Variants in AQR observed in about 807,000 individuals in gnomAD.
AQR encodes aquarius intron-binding spliceosomal factor, also known as RNA helicase aquarius.
In AQR, 61 loss-of-function variants were observed where a neutral mutation model predicts 180.5. The observed-to-expected ratio is 0.34, with a 90% CI of 0.28 to 0.42. The LOEUF is 0.42. Among genes scored for constraint, AQR ranks in the 10% least tolerant of loss-of-function variants. The pLI, the probability that AQR is intolerant of heterozygous loss-of-function variation, is 1.00. For synonymous variants in AQR, 551 were observed against 588.8 expected, an observed-to-expected ratio of 0.94 and a Z score of 0.93; for missense variants, 1,281 against 1,798.3, an observed-to-expected ratio of 0.71 and a Z score of 5.20.
chr15:34,905,974 C>G (rs1428958433), intron 18 of AQR, among the ~76,000 whole-genome samples: 1 of 152,028 alleles, frequency 6.6e-6, no homozygotes, highest in Non-Finnish European at 1.5e-5. Flanking sequence ...GCAGAGGTTG[C>G]AGTGGGCCAA....
chr15:34,900,225 G>A (rs1260492986), intron 20 of AQR, among the ~76,000 whole-genome samples: 1 of 152,082 alleles, frequency 6.6e-6, no homozygotes. Flanking sequence ...GTGAAAGCAC[G>A]CAAAGTTAAA....
Position 34,887,829 on chromosome 15 carries a change from G to A in AQR, c.2682-1168C>T, listed in dbSNP as rs1893085412. ...AAAAGAGATCTAAAACATGATCTATGCTTGAAGAATTTTTCAACTTGGAAG... is the reference window on the plus strand; with the variant it reads ...AAAAGAGATCTAAAACATGATCTATACTTGAAGAATTTTTCAACTTGGAAG... On this transcript the variant is annotated intron_variant, in intron 24 of 34. Transcript: ENST00000156471. Among the ~76,000 whole-genome samples, 3 of 152,316 alleles carry A rather than the reference G, an allele frequency of 2.0e-5. No homozygotes were observed. The East Asian group carries it at 5.8e-4, about 29-fold the overall frequency.
At chr15:34,900,890 T>G (rs1458894062) in intron 19 of AQR, 27 bp from the exon 20 acceptor site, 1 of 1,557,884 alleles carries the variant, frequency 6.4e-7, no homozygotes, top group South Asian at 1.2e-5. Context: ...AGAAAAAGAT[T>G]GTGTCAGTAT....
chr15:34,946,954 C>A (rs575367966), intron 5 of AQR, among the ~76,000 whole-genome samples: 1 of 151,928 alleles, frequency 6.6e-6, no homozygotes, highest in Non-Finnish European at 1.5e-5. Flanking sequence ...TGCCCGGCCG[C>A]GCCTACTGGG....
At chr15:34,874,544 T>G in intron 29 of AQR, 133 bp downstream of exon 29, 1 of 1,054,286 alleles carries the variant, frequency 9.5e-7, no homozygotes, top group Non-Finnish European at 1.4e-6. Context: ...CAAAAGTGCT[T>G]TTGGATTTAT....
At chr15:34,914,405 T>C (rs1893548413) in intron 16 of AQR, among the ~76,000 whole-genome samples, 1 of 152,098 alleles carries the variant, frequency 6.6e-6, no homozygotes, top group South Asian at 2.1e-4. Flanking sequence ...AGCTAGCAGG[T>C]GGGGAGTGGA....
At chr15:34,954,945 G>A (rs542693826) in intron 3 of AQR, among the ~76,000 whole-genome samples, 1 of 152,112 alleles carries the variant, frequency 6.6e-6, no homozygotes, top group African/African-American at 2.4e-5. Context: ...CAACACGGTG[G>A]AATCCCGTCT....
intron 21 of AQR, 34 bp from the exon 22 acceptor site, chr15:34,897,000 A>G (rs1403499240): frequency 2.6e-6 from 4 of 1,515,456 alleles, no homozygotes; most frequent in Non-Finnish European, 3.7e-6. Context: ...GTTGGTACAG[A>G]TAAATGATGC....
chr15:34,964,461 C>T, intron 1 of AQR, 171 bp from the exon 2 acceptor site: 1 of 698,840 alleles, frequency 1.4e-6, no homozygotes, highest in Non-Finnish European at 2.7e-6. Context: ...ATCCTTGACC[C>T]CAAACCACTA....
chr15:34,940,596 T>C (rs534315236), intron 8 of AQR, among the ~76,000 whole-genome samples: 16 of 152,102 alleles, frequency 1.1e-4, no homozygotes, highest in Admixed American at 5.2e-4. Flanking sequence ...AGCCTGAAGA[T>C]AGTGGAGAAA....
rs752309274 is a variant in AQR at position 34,882,653 on chromosome 15, G to A, written c.3028-14C>T. 2 of 1,589,228 alleles carry A rather than the reference G, an allele frequency of 1.3e-6. No individual in the cohort carries two copies. The highest frequency in any genetic ancestry group is 1.2e-5 in the South Asian group (1 of 85,716). ...GGCTCTGAATTCCTATGGAAACGAG[G>A]AGCAATGAAAGATAATTTTAGGAAA... is the stretch of plus-strand genomic sequence containing the variant. On this transcript the variant is annotated splice_polypyrimidine_tract_variant and intron_variant, in intron 26 of 34. Coordinates refer to ENST00000156471, the MANE Select transcript of AQR (RefSeq NM_014691.3).
intron 27 of AQR, among the ~76,000 whole-genome samples, chr15:34,877,676 T>C (rs1485489195): frequency 6.6e-6 from 1 of 152,242 alleles, no homozygotes; most frequent in Admixed American, 6.5e-5. Flanking sequence ...ATTTTACTTA[T>C]AAAAACATAT....
At chr15:34,883,969 G>A (rs2140467994) in intron 26 of AQR, among the ~76,000 whole-genome samples, 1 of 152,300 alleles carries the variant, frequency 6.6e-6, no homozygotes, top group African/African-American at 2.4e-5. Context: ...CCACATGGCA[G>A]TCTCAAATTC....
chr15:34,906,822 G>GT, intron 17 of AQR, 110 bp from the exon 18 acceptor site: 1 of 983,294 alleles, frequency 1.0e-6, no homozygotes, highest in Middle Eastern at 2.5e-4. Context: ...GAGAGATACC[G>GT]TTGAGTGACC....
intron 27 of AQR, among the ~76,000 whole-genome samples, chr15:34,880,786 T>C (rs944565266): frequency 6.6e-6 from 1 of 152,032 alleles, no homozygotes; most frequent in African/African-American, 2.4e-5. Flanking sequence ...CAAAAGACAA[T>C]GCCTAAAATG....
intron 13 of AQR, 74 bp downstream of exon 13, chr15:34,926,961 A>G: frequency 1.2e-6 from 1 of 866,420 alleles, no homozygotes. Flanking sequence ...AAAATGATTA[A>G]AAGCAATAAA....
chr15:34,941,898 TAAGAA>T, intron 7 of AQR, 109 bp downstream of exon 7: 1 of 677,008 alleles, frequency 1.5e-6, no homozygotes, highest in South Asian at 4.4e-5. Context: ...GTGGCTTTTC[TAAGAA>T]AAGGGGTATT....
rs1892575131 is a variant in AQR, at chr15:34,855,466, A to G, written c.*1326T>C. On this transcript the variant is annotated 3_prime_UTR_variant, in exon 35 of 35. Transcript: ENST00000156471. ...TCCCCTTTAGATACTCTAGCAGATGATCAAAATGGGAAATAGAGAACTAGT... is the reference window on the plus strand; with the variant it reads ...TCCCCTTTAGATACTCTAGCAGATGGTCAAAATGGGAAATAGAGAACTAGT... The G allele has an allele frequency of 6.6e-6, 1 of 151,966 alleles. No individual in the cohort carries two copies. The highest frequency in any genetic ancestry group is 2.4e-5 in the African/African-American group (1 of 41,324). 9.4% of individuals were successfully genotyped at this position (151,966 alleles called of 1,614,324 possible).
Position 34,855,117 on chromosome 15 carries a change from A to G in AQR, c.*1675T>C, listed in dbSNP as rs1444433379. On this transcript the variant is annotated 3_prime_UTR_variant, in exon 35 of 35. Transcript: ENST00000156471. The stretch of plus-strand genomic sequence containing the variant: ...GCGTCCTTGGTATTTCACTCCTCTC[A>G]TCGTCTCATCACTTTCATTTCCCCT... The G allele has an allele frequency of 6.6e-6, 1 of 152,198 alleles. No homozygotes were observed. The allele number at this position is 152,198 out of a possible 1,614,324, so 9.4% of individuals were successfully genotyped here. A position where few individuals can be genotyped will look rare whatever the true frequency, so the allele number is the denominator to read the frequency against.
Sources: allele counts gnomAD v4.1 joint callset (sites outside exome capture counted in the v4.1 genomes callset), GRCh38; gene constraint gnomAD v4.1.1; transcripts MANE v1.5; gene names NCBI Gene and HGNC (gene_info 2026-07-23, HGNC 2026-07-21).